The following SNTG1 variants were observed in gnomAD, a reference collection of about 807,000 sequenced individuals.
SNTG1 encodes the protein syntrophin gamma 1.
A neutral mutation model predicts 74.7 loss-of-function variants in SNTG1; 39 were observed. That is an observed-to-expected ratio of 0.52 (90% CI 0.40 to 0.68). The LOEUF (loss-of-function observed/expected upper bound fraction) is 0.68, where lower values mean the gene tolerates loss of function less well. SNTG1 is among the 30% of genes least tolerant of loss of function. The pLI is 0.00. For synonymous variants in SNTG1, 254 were observed against 217.1 expected (o/e 1.17, Z -1.49); for missense variants, 685 against 609.5 (o/e 1.12, Z -1.30).
At chr8:50,751,016 A>T (rs1382176731) in intron 17 of SNTG1, among the ~76,000 whole-genome samples, 2 of 152,028 alleles carry the variant, frequency 1.3e-5, no homozygotes, top group Non-Finnish European at 2.9e-5. Context: ...ACAATAGCTT[A>T]AATAGGACTG....
chr8:50,597,370 T>TATATACACATATATATACACATATACAC (rs1563627827), intron 13 of SNTG1, among the ~76,000 whole-genome samples: 1 of 139,050 alleles, frequency 7.2e-6, no homozygotes, highest in Non-Finnish European at 1.6e-5. Context: ...CACATATACA[T>TATATACACATATATATACACATATACAC]GTATATATAC....
At chr8:50,550,874 A>C (rs1256358517) in intron 11 of SNTG1, among the ~76,000 whole-genome samples, 1 of 152,118 alleles carries the variant, frequency 6.6e-6, no homozygotes, top group Non-Finnish European at 1.5e-5. Flanking sequence ...AAAAGCTACA[A>C]ATAAAAACAA....
At chr8:50,237,558 C>T (rs1360640484) in intron 2 of SNTG1, among the ~76,000 whole-genome samples, 1 of 152,098 alleles carries the variant, frequency 6.6e-6, no homozygotes, top group Non-Finnish European at 1.5e-5. Flanking sequence ...ATAGAAAAGA[C>T]AGGAAAAATG....
intron 1 of SNTG1, among the ~76,000 whole-genome samples, chr8:50,087,869 G>A (rs1823050026): frequency 6.7e-6 from 1 of 149,914 alleles, no homozygotes; most frequent in African/African-American, 2.5e-5. Context: ...CCATGCTGGT[G>A]CGCTGCACCC....
At position 50,107,929 on chromosome 8, in the gene SNTG1, T is replaced by C. The variant is rs549734999; in HGVS notation, c.-102-64632T>C. Among the ~76,000 whole-genome samples, 8 of 152,336 alleles carry C rather than the reference T, an allele frequency of 5.3e-5. No individual in the cohort carries two copies. The South Asian group carries it at 1.4e-3, about 28-fold the overall frequency. Reference sequence around the variant, plus strand: ...GAGAAAATGTGTAAAATATTTTGTGTTAACATCACATAATTTTTTGGTAAG... The same window carrying C: ...GAGAAAATGTGTAAAATATTTTGTGCTAACATCACATAATTTTTTGGTAAG... On this transcript the variant is annotated intron_variant, in intron 1 of 18. Transcript: ENST00000642720.
intron 1 of SNTG1, among the ~76,000 whole-genome samples, chr8:50,153,491 T>G (rs2082144949): frequency 6.6e-6 from 1 of 152,198 alleles, no homozygotes; most frequent in South Asian, 2.1e-4. Flanking sequence ...ATTTTTAGAA[T>G]TTTCAGCTTT....
At chr8:50,699,313 G>A (rs566716027) in intron 15 of SNTG1, among the ~76,000 whole-genome samples, 2 of 152,248 alleles carry the variant, frequency 1.3e-5, no homozygotes, top group South Asian at 4.1e-4. Flanking sequence ...AAGTAAACAT[G>A]AAATTACAGC....
intron 1 of SNTG1, among the ~76,000 whole-genome samples, chr8:50,060,821 A>G (rs1398230776): frequency 6.6e-6 from 1 of 152,024 alleles, no homozygotes; most frequent in Non-Finnish European, 1.5e-5. Context: ...TTATCTGATC[A>G]TATTTTTCTT....
At chr8:50,778,494 A>T (rs1167623872) in intron 18 of SNTG1, among the ~76,000 whole-genome samples, 14 of 151,856 alleles carry the variant, frequency 9.2e-5, no homozygotes, top group African/African-American at 3.4e-4. Flanking sequence ...GGCTGCATAA[A>T]TGTCTTCTTT....
At chr8:50,191,676 G>C (rs1356094491) in intron 2 of SNTG1, among the ~76,000 whole-genome samples, 2 of 151,998 alleles carry the variant, frequency 1.3e-5, no homozygotes, top group Non-Finnish European at 2.9e-5. Flanking sequence ...CATCACCTAG[G>C]TTTTAAGCCC....
chr8:50,395,506 G>GGTTTTTTTTT lies in SNTG1; in HGVS notation c.27+1241_27+1242insGTTTTTTTTT, dbSNP rs58030144. Among the ~76,000 whole-genome samples the GGTTTTTTTTT allele has an allele frequency of 1.5e-5, 2 of 135,654 alleles. 1 individual carries two copies. The highest frequency in any genetic ancestry group is 3.1e-5 in the Non-Finnish European group (2 of 64,848). The allele number at this position is 135,654 out of a possible 152,430, so 89.0% of individuals were successfully genotyped here. A position where few individuals can be genotyped will look rare whatever the true frequency, so the allele number is the denominator to read the frequency against. On this transcript the variant is annotated intron_variant, in intron 3 of 18. Transcript: ENST00000642720. ...TTTAAATTTTAATTGTCTAATTTCT[G>GGTTTTTTTTT]TTTTTTTTTTTTTTTTTAATGGAGT... is the stretch of plus-strand genomic sequence containing the variant.
At chr8:50,725,535 G>A (rs1277965700) in intron 17 of SNTG1, among the ~76,000 whole-genome samples, 1 of 152,118 alleles carries the variant, frequency 6.6e-6, no homozygotes, top group Non-Finnish European at 1.5e-5. Flanking sequence ...TCAGGTTACT[G>A]CTTACAAACT....
intron 2 of SNTG1, among the ~76,000 whole-genome samples, chr8:50,282,166 GAGAAATGTCAGCCCCA>G (rs1472312088): frequency 1.3e-5 from 2 of 152,064 alleles, no homozygotes; most frequent in African/African-American, 4.8e-5. Context: ...CCTCTGGCCA[GAGAAATGTCAGCCCCA>G]AGATAACCTC....
At chr8:50,326,079 A>G (rs1160117463) in intron 2 of SNTG1, among the ~76,000 whole-genome samples, 1 of 152,062 alleles carries the variant, frequency 6.6e-6, no homozygotes, top group African/African-American at 2.4e-5. Flanking sequence ...AATGAATTCC[A>G]AGTGGCTGTA....
At chr8:50,485,995 A>G (rs2093789669) in intron 8 of SNTG1, among the ~76,000 whole-genome samples, 1 of 152,050 alleles carries the variant, frequency 6.6e-6, no homozygotes, top group South Asian at 2.1e-4. Context: ...ATGCGGCGTT[A>G]TTTCTGAGGG....
intron 8 of SNTG1, among the ~76,000 whole-genome samples, chr8:50,452,041 G>A (rs865972067): frequency 2.0e-5 from 3 of 152,334 alleles, no homozygotes; most frequent in Middle Eastern, 3.4e-3. Context: ...AGAAAACTAT[G>A]TTGATACATT....
chr8:50,278,472 T>C (rs991738641), intron 2 of SNTG1, among the ~76,000 whole-genome samples: 1 of 152,158 alleles, frequency 6.6e-6, no homozygotes, highest in African/African-American at 2.4e-5. Context: ...CAGAAATCCC[T>C]GTGATTGAAT....
At position 50,005,955 on chromosome 8, in the gene SNTG1, C is replaced by CTTT. The variant is rs57041850; in HGVS notation, c.-103+93750_-103+93752dup. Among the ~76,000 whole-genome samples, 29 of 89,398 alleles carry CTTT rather than the reference C, an allele frequency of 3.2e-4. 3 individuals carry two copies. Among genetic ancestry groups the CTTT allele is most frequent in the African/African-American group, 1.2e-3 (17 of 13,818 alleles). The allele number at this position is 89,398 out of a possible 152,430, so 58.6% of individuals were successfully genotyped here. ...TTACTTTTCATTTCCATTACTTGCA[C>CTTT]TTTTTTTTTTTTTTTTTTTTTTTTT... On this transcript the variant is annotated intron_variant, in intron 1 of 18. Transcript: ENST00000642720.
intron 8 of SNTG1, among the ~76,000 whole-genome samples, chr8:50,492,992 G>A (rs2093871791): frequency 6.6e-6 from 1 of 152,114 alleles, no homozygotes; most frequent in African/African-American, 2.4e-5. Flanking sequence ...ACAGAACGGA[G>A]GCCTCAGAAA....
Sources: allele counts gnomAD v4.1 joint callset (sites outside exome capture counted in the v4.1 genomes callset), GRCh38; gene constraint gnomAD v4.1.1; transcripts MANE v1.5; gene names NCBI Gene and HGNC (gene_info 2026-07-23, HGNC 2026-07-21).